Variants in IQCK observed in about 807,000 individuals in gnomAD.
IQCK encodes IQ domain-containing protein K.
A neutral mutation model predicts 28.1 loss-of-function variants in IQCK; 29 were observed. That is an observed-to-expected ratio of 1.03 (90% confidence interval 0.77 to 1.41). IQCK has a LOEUF of 1.41. Ranked by LOEUF, IQCK falls within the 40% of genes most tolerant of loss-of-function variation. IQCK has a pLI of 0.00. For synonymous variants in IQCK, 113 were observed against 115.1 expected, an observed-to-expected ratio of 0.98 and a Z score of 0.12; for missense variants, 359 against 314.7, an observed-to-expected ratio of 1.14 and a Z score of -1.07.
chr16:19,747,460 G>T (rs2054926722), intron 4 of IQCK, among the ~76,000 whole-genome samples: 1 of 151,968 alleles, frequency 6.6e-6, no homozygotes, highest in South Asian at 2.1e-4. Context: ...CACAAGGCCA[G>T]CCCAGATCCG....
chr16:19,778,897 A>T (rs999977638), intron 6 of IQCK, among the ~76,000 whole-genome samples: 5 of 152,180 alleles, frequency 3.3e-5, no homozygotes, highest in Admixed American at 2.0e-4. Flanking sequence ...TATGTGATTA[A>T]GTTAAGGATC....
chr16:19,839,851 T>C (rs562533938), intron 9 of IQCK, among the ~76,000 whole-genome samples: 2 of 151,890 alleles, frequency 1.3e-5, no homozygotes, highest in East Asian at 3.9e-4. Context: ...AATAAATAAC[T>C]GGGTAGCGTG....
intron 9 of IQCK, among the ~76,000 whole-genome samples, chr16:19,839,216 A>G (rs553667127): frequency 6.6e-6 from 1 of 151,344 alleles, no homozygotes; most frequent in Admixed American, 6.6e-5. Flanking sequence ...GATGGAGTGC[A>G]ATGGCATGAT....
intron 7 of IQCK, among the ~76,000 whole-genome samples, chr16:19,804,289 A>G (rs1161676574): frequency 6.6e-6 from 1 of 151,990 alleles, no homozygotes; most frequent in Non-Finnish European, 1.5e-5. Flanking sequence ...GGTTGCAGTG[A>G]GTTGAGATCA....
intron 7 of IQCK, among the ~76,000 whole-genome samples, chr16:19,820,932 G>C (rs977188449): frequency 6.6e-6 from 1 of 152,188 alleles, no homozygotes; most frequent in Admixed American, 6.5e-5. Flanking sequence ...TCTCCAAGAA[G>C]TTATACAGAC....
chr16:19,736,359 C>A (rs1447774608), intron 4 of IQCK, among the ~76,000 whole-genome samples: 1 of 151,974 alleles, frequency 6.6e-6, no homozygotes, highest in East Asian at 1.9e-4. Context: ...ACCTCCAGGG[C>A]TCAGTTGATC....
At chr16:19,733,632 A>T (rs988592059) in intron 2 of IQCK, 66 bp from the exon 3 acceptor site, 1 of 1,576,582 alleles carries the variant, frequency 6.3e-7, no homozygotes, top group Non-Finnish European at 8.7e-7. Flanking sequence ...TCATAAGGTT[A>T]TACCAGAAAA....
At chr16:19,811,596 CA>C (rs1350648850) in intron 7 of IQCK, among the ~76,000 whole-genome samples, 2 of 152,138 alleles carry the variant, frequency 1.3e-5, no homozygotes, top group Non-Finnish European at 2.9e-5. Context: ...ACGACCCCAC[CA>C]AAAAGCAGCT....
At chr16:19,782,872 A>C (rs2055507336) in intron 6 of IQCK, among the ~76,000 whole-genome samples, 1 of 152,190 alleles carries the variant, frequency 6.6e-6, no homozygotes, top group African/African-American at 2.4e-5. Context: ...CTTTGCATCT[A>C]AAAAAGAGAA....
chr16:19,735,403 G>A lies in IQCK; in HGVS notation c.427G>A (p.Gly143Arg), dbSNP rs751331784. 95 of 1,613,914 alleles carry A rather than the reference G, an allele frequency of 5.9e-5. No homozygotes were observed. Among genetic ancestry groups the A allele is most frequent in the Non-Finnish European group, 7.3e-5 (86 of 1,179,934 alleles). Reference sequence around the variant, plus strand: ...TTTCATCTTTCCTGTTCTGCTTCCCGGAATGGCTAGCCTGCTTCACCAAGC... The same window carrying A: ...TTTCATCTTTCCTGTTCTGCTTCCCAGAATGGCTAGCCTGCTTCACCAAGC... Residue 143 changes from glycine (G) to arginine (R), a missense_variant, in exon 4 of 8, where the codon GGA (glycine) becomes AGA (arginine). Coordinates refer to ENST00000564186, the Ensembl canonical transcript of IQCK.
chr16:19,822,693 G>A (rs1040782377), intron 7 of IQCK, among the ~76,000 whole-genome samples: 3 of 152,138 alleles, frequency 2.0e-5, no homozygotes, highest in Admixed American at 6.5e-5. Flanking sequence ...AGAGAGGGGA[G>A]AATGGGAATT....
Position 19,782,997 on chromosome 16 carries a change from T to TTGTG in IQCK, c.606-5824_606-5821dup, listed in dbSNP as rs879459659. Among the ~76,000 whole-genome samples, 475 of 150,928 alleles carry TTGTG rather than the reference T, an allele frequency of 3.1e-3. 2 individuals carry two copies. Among genetic ancestry groups the TTGTG allele is most frequent in the Admixed American group, 5.2e-3 (78 of 15,142 alleles). ...TATAGCGTTGATTCTTCTTCTTTTT[T>TTGTG]TGTGTGTGTGTGTGTGTGTGAGACG... On this transcript the variant is annotated intron_variant, in intron 6 of 7. Transcript: ENST00000564186.
At chr16:19,847,559 A>G (rs1474342972) in intron 9 of IQCK, among the ~76,000 whole-genome samples, 2 of 152,126 alleles carry the variant, frequency 1.3e-5, no homozygotes, top group African/African-American at 4.8e-5. Context: ...TTCTCTGCCT[A>G]ACTGGAAAAC....
intron 7 of IQCK, among the ~76,000 whole-genome samples, chr16:19,818,209 T>G (rs1007510567): frequency 6.6e-6 from 1 of 152,138 alleles, no homozygotes; most frequent in Non-Finnish European, 1.5e-5. Flanking sequence ...GGATGCCTGA[T>G]TCTTATGAGC....
chr16:19,799,597 T>TATACAC lies in IQCK; in HGVS notation c.690+10676_690+10677insTACACA, dbSNP rs1265590680. On this transcript the variant is annotated intron_variant, in intron 7 of 7. Coordinates refer to ENST00000564186, the Ensembl canonical transcript of IQCK. ...ATATTTTATTTTATATATATATATA[T>TATACAC]ACACACACACACACACACACACACA... is the stretch of plus-strand genomic sequence containing the variant. Among the ~76,000 whole-genome samples, 23 of 111,676 alleles carry TATACAC rather than the reference T, an allele frequency of 2.1e-4. 1 individual carries two copies. Among genetic ancestry groups the TATACAC allele is most frequent in the African/African-American group, 2.6e-4 (5 of 19,110 alleles). The allele number at this position is 111,676 out of a possible 152,430, so 73.3% of individuals were successfully genotyped here.
At chr16:19,839,009 A>G in intron 9 of IQCK, among the ~76,000 whole-genome samples, 1 of 106,466 alleles carries the variant, frequency 9.4e-6, no homozygotes, top group Non-Finnish European at 1.8e-5. Context: ...ACAGAGTGAG[A>G]CTCCATAGCA....
chr16:19,845,845 C>T (rs559025949), intron 9 of IQCK, among the ~76,000 whole-genome samples: 7 of 152,018 alleles, frequency 4.6e-5, no homozygotes, highest in Admixed American at 1.3e-4. Context: ...GAGGCTGAGG[C>T]GGGCGGATCA....
chr16:19,827,158 T>A (rs2056160178), exon 8 of IQCK: 1 of 1,499,664 alleles, frequency 6.7e-7, no homozygotes, highest in Non-Finnish European at 9.3e-7. Context: ...GGATTCACTG[T>A]CCTTAGTTCA....
chr16:19,775,889 T>TTTTG, intron 6 of IQCK, among the ~76,000 whole-genome samples: 1 of 138,260 alleles, frequency 7.2e-6, no homozygotes, highest in Non-Finnish European at 1.6e-5. Flanking sequence ...TTTTTTTTTT[T>TTTTG]TTTTTTTTTT....
Sources: allele counts gnomAD v4.1 joint callset (sites outside exome capture counted in the v4.1 genomes callset), GRCh38; gene constraint gnomAD v4.1.1; transcripts MANE v1.5; gene names NCBI Gene and HGNC (gene_info 2026-07-23, HGNC 2026-07-21).